Variants in ERGIC1 observed in about 807,000 individuals in gnomAD.
ERGIC1 encodes the protein endoplasmic reticulum-golgi intermediate compartment 1.
A neutral mutation model predicts 38.3 loss-of-function variants in ERGIC1; 19 were observed. That is an observed-to-expected ratio of 0.50 (90% confidence interval 0.35 to 0.73). ERGIC1 has a LOEUF of 0.73. ERGIC1 is among the 30% of genes least tolerant of loss of function. The pLI is 0.01. For missense variants in ERGIC1, 294 were observed against 389.2 expected (o/e 0.76, Z 2.06); for synonymous variants, 124 against 157.6 (o/e 0.79, Z 1.60).
chr5:172,930,399 G>A lies in ERGIC1; in HGVS notation c.542-2037G>A, dbSNP rs375143413. ...GGAGTCTCGCTCTGTTGCCCAGGCT[G>A]GAGTGCAGTGGCAGCTCACTGCAAC... On this transcript the variant is annotated intron_variant, in intron 7 of 9. Transcript: ENST00000393784. 5.3e-5 allele frequency among the ~76,000 whole-genome samples: 8 copies of A among 151,214 alleles called. No individual in the cohort carries two copies. The South Asian group carries it at 1.7e-3, about 32-fold the overall frequency.
At chr5:172,870,301 C>T (rs1235505439) in intron 1 of ERGIC1, among the ~76,000 whole-genome samples, 1 of 152,218 alleles carries the variant, frequency 6.6e-6, no homozygotes, top group East Asian at 1.9e-4. Flanking sequence ...CCTCGGACCC[C>T]TTGGTTCCAG....
chr5:172,893,475 A>C (rs1476098783), intron 2 of ERGIC1, among the ~76,000 whole-genome samples: 1 of 152,014 alleles, frequency 6.6e-6, no homozygotes, highest in Non-Finnish European at 1.5e-5. Flanking sequence ...CCTGTTCATC[A>C]TTACAGCATC....
At chr5:172,893,935 G>GTGTGTGTGTGTGTGTGTGTGTGTGTATA (rs1429850022) in intron 2 of ERGIC1, among the ~76,000 whole-genome samples, 3 of 42,834 alleles carry the variant, frequency 7.0e-5, no homozygotes, top group African/African-American at 1.7e-4. Flanking sequence ...GTGTGTGTGT[G>GTGTGTGTGTGTGTGTGTGTGTGTGTATA]TATATATATA....
chr5:172,882,070 C>T (rs1166054091), intron 1 of ERGIC1, among the ~76,000 whole-genome samples: 3 of 152,196 alleles, frequency 2.0e-5, no homozygotes, highest in Non-Finnish European at 2.9e-5. Flanking sequence ...GACATTCATG[C>T]TGACTCACTT....
intron 9 of ERGIC1, among the ~76,000 whole-genome samples, chr5:172,939,500 G>C (rs951971916): frequency 3.3e-5 from 5 of 152,220 alleles, no homozygotes; most frequent in African/African-American, 1.2e-4. Flanking sequence ...AGAGCAGGAG[G>C]CTCCAAGAAG....
intron 1 of ERGIC1, among the ~76,000 whole-genome samples, chr5:172,845,367 G>A (rs555969076): frequency 1.3e-5 from 2 of 152,340 alleles, no homozygotes; most frequent in South Asian, 4.1e-4. Context: ...GCCCCTGCCG[G>A]GGGAGCCAGG....
chr5:172,841,882 G>C (rs1434970180), intron 1 of ERGIC1, among the ~76,000 whole-genome samples: 1 of 152,116 alleles, frequency 6.6e-6, no homozygotes, highest in African/African-American at 2.4e-5. Flanking sequence ...AAATTAATGT[G>C]TGTTTGTGCA....
chr5:172,867,377 A>G, intron 1 of ERGIC1: 1 of 415,770 alleles, frequency 2.4e-6, no homozygotes, highest in South Asian at 1.7e-5. Context: ...TAGCCCCAGC[A>G]ATTCCACAGA....
At chr5:172,879,121 T>A (rs1310454817) in intron 1 of ERGIC1, among the ~76,000 whole-genome samples, 9 of 151,868 alleles carry the variant, frequency 5.9e-5, no homozygotes, top group Admixed American at 5.9e-4. Context: ...AACCACAGAG[T>A]GATCCGAGAT....
intron 9 of ERGIC1, among the ~76,000 whole-genome samples, chr5:172,949,659 G>GA (rs1554114796): frequency 6.6e-6 from 1 of 151,832 alleles, no homozygotes; most frequent in Non-Finnish European, 1.5e-5. Flanking sequence ...GCGTGGCGGG[G>GA]GGGGGTATGA....
In ERGIC1 at chr5:172,897,466, A is replaced by C. The variant is rs537591048; in HGVS notation, c.155+392A>C. The stretch of plus-strand genomic sequence containing the variant: ...AAAAGAGAGAGAGAGGAGTCTTAAA[A>C]AGGAGAGCAAGTTCCAAACCTTCCA... On this transcript the variant is annotated intron_variant, in intron 3 of 9. Coordinates refer to ENST00000393784, the MANE Select transcript of ERGIC1 (RefSeq NM_001031711.3). Among the ~76,000 whole-genome samples, 3 of 151,308 alleles carry C rather than the reference A, an allele frequency of 2.0e-5. No homozygotes were observed. The South Asian group carries it at 6.2e-4, about 31-fold the overall frequency.
chr5:172,903,646 G>A (rs1048860857), intron 3 of ERGIC1, among the ~76,000 whole-genome samples: 1 of 152,152 alleles, frequency 6.6e-6, no homozygotes, highest in Non-Finnish European at 1.5e-5. Flanking sequence ...AAAAACCATG[G>A]ACATTTATTG....
At chr5:172,867,868 A>G (rs1348011454) in intron 1 of ERGIC1, among the ~76,000 whole-genome samples, 1 of 152,112 alleles carries the variant, frequency 6.6e-6, no homozygotes, top group African/African-American at 2.4e-5. Context: ...CTACATTTCA[A>G]TTTGTGATCT....
chr5:172,834,557 A>T lies in ERGIC1; in HGVS notation c.20+124A>T. ...CTCCCCGCCCTGTGCATGCCTCCGC[A>T]GGCCCCTAGGGACCCCAGGCGAGCC... On this transcript the variant is annotated intron_variant, in intron 1 of 9. Coordinates refer to ENST00000393784, the MANE Select transcript of ERGIC1 (RefSeq NM_001031711.3). This position sits in a 1 kb window ranked among gnomAD's most constrained non-coding sequence, Gnocchi z 4.1. 2 of 939,908 alleles carry T rather than the reference A, an allele frequency of 2.1e-6. No individual in the cohort carries two copies. Among genetic ancestry groups the T allele is most frequent in the Non-Finnish European group, 1.4e-6 (1 of 740,620 alleles). 58.2% of individuals were successfully genotyped at this position (939,908 alleles called of 1,614,324 possible). A position where few individuals can be genotyped will look rare whatever the true frequency, so the allele number is the denominator to read the frequency against.
At chr5:172,947,746 C>G (rs551339184) in intron 9 of ERGIC1, among the ~76,000 whole-genome samples, 1 of 152,242 alleles carries the variant, frequency 6.6e-6, no homozygotes, top group African/African-American at 2.4e-5. Context: ...TCCTGTGTAC[C>G]TCAATACACA....
rs186296954 is a variant in ERGIC1, at chr5:172,888,346, G to A, written c.21-353G>A. Among the ~76,000 whole-genome samples the A allele has an allele frequency of 6.6e-5, 10 of 152,252 alleles. No homozygotes were observed. The South Asian group carries it at 1.0e-3, about 16-fold the overall frequency. Reference sequence around the variant, plus strand: ...ATGGTGGCACATGCCCGTAGTCCCAGCTACTTGGGAGGCTGAGACACGAGA... The same window carrying A: ...ATGGTGGCACATGCCCGTAGTCCCAACTACTTGGGAGGCTGAGACACGAGA... On this transcript the variant is annotated intron_variant, in intron 1 of 9. Transcript: ENST00000393784.
chr5:172,877,458 A>ATATATT (rs58452182), intron 1 of ERGIC1, among the ~76,000 whole-genome samples: 24 of 86,608 alleles, frequency 2.8e-4, no homozygotes, highest in African/African-American at 1.0e-3. Flanking sequence ...ATATATATAT[A>ATATATT]TTTTTTTTTT....
intron 1 of ERGIC1, among the ~76,000 whole-genome samples, chr5:172,879,779 A>G (rs891600158): frequency 6.6e-6 from 1 of 152,226 alleles, no homozygotes; most frequent in East Asian, 1.9e-4. Flanking sequence ...TATTCCGCAC[A>G]CAACAGAGCT....
intron 1 of ERGIC1, among the ~76,000 whole-genome samples, chr5:172,882,496 G>A (rs151059816): frequency 1.9e-4 from 29 of 152,278 alleles, no homozygotes; most frequent in African/African-American, 6.3e-4. Context: ...GGCAGTGGAA[G>A]GACCATGCCC....
Sources: gnomAD v4.1 joint callset for allele counts (sites outside exome capture counted in the v4.1 genomes callset) on GRCh38, gnomAD v4.1.1 for gene constraint, Gnocchi (gnomAD v3.1) non-coding constraint, MANE v1.5 for transcripts, NCBI Gene and HGNC (gene_info 2026-07-23, HGNC 2026-07-21) for gene names.